The following DOK5 variants were observed in gnomAD, a reference collection of about 807,000 sequenced individuals.
DOK5 encodes downstream of tyrosine kinase 5.
DOK5 carries 27 observed loss-of-function variants against 43.3 expected under a neutral mutation model. The observed-to-expected ratio is 0.62, with a 90% CI of 0.46 to 0.86. The LOEUF (loss-of-function observed/expected upper bound fraction) is 0.86, where lower values mean the gene tolerates loss of function less well. Ranked by LOEUF, DOK5 falls within the 40% of genes least tolerant of loss-of-function variation. DOK5 has a pLI of 0.00. For synonymous variants in DOK5, 146 were observed against 140.1 expected (o/e 1.04, Z -0.30); for missense variants, 373 against 392.9 (o/e 0.95, Z 0.43).
intron 1 of DOK5, among the ~76,000 whole-genome samples, chr20:54,532,066 A>C (rs1983792640): frequency 6.6e-6 from 1 of 152,318 alleles, no homozygotes; most frequent in Admixed American, 6.5e-5. Context: ...TACAGTAATG[A>C]AGGCTATAGA....
chr20:54,624,093 T>C (rs1987068544), intron 6 of DOK5, among the ~76,000 whole-genome samples: 1 of 152,250 alleles, frequency 6.6e-6, no homozygotes, highest in African/African-American at 2.4e-5. Context: ...CCCTGTCTTC[T>C]GTGCAGCTCA....
At chr20:54,592,454 A>G (rs1986005982) in intron 5 of DOK5, among the ~76,000 whole-genome samples, 1 of 152,176 alleles carries the variant, frequency 6.6e-6, no homozygotes, top group Admixed American at 6.5e-5. Context: ...TGCTACCTAC[A>G]AAAAGATTCC....
chr20:54,599,016 A>G (rs1986228908), intron 5 of DOK5, among the ~76,000 whole-genome samples: 1 of 152,194 alleles, frequency 6.6e-6, no homozygotes, highest in Non-Finnish European at 1.5e-5. Context: ...AATATTTTCT[A>G]TTTATTTGAA....
At chr20:54,490,462 T>A (rs1331169345) in intron 1 of DOK5, among the ~76,000 whole-genome samples, 1 of 152,088 alleles carries the variant, frequency 6.6e-6, no homozygotes, top group Non-Finnish European at 1.5e-5. Flanking sequence ...TGTCTAGCCA[T>A]GTGGCAGGAG....
chr20:54,633,792 T>G, intron 6 of DOK5, among the ~76,000 whole-genome samples: 1 of 152,248 alleles, frequency 6.6e-6, no homozygotes, highest in East Asian at 1.9e-4. Flanking sequence ...GAGGTACTGA[T>G]CTTTTTGCCA....
intron 6 of DOK5, among the ~76,000 whole-genome samples, chr20:54,633,645 G>A (rs116193965): frequency 6.6e-6 from 1 of 152,156 alleles, no homozygotes; most frequent in Non-Finnish European, 1.5e-5. Context: ...TTAGGGCCCA[G>A]GTTGAATGAA....
intron 2 of DOK5, among the ~76,000 whole-genome samples, chr20:54,583,580 T>C (rs1184416463): frequency 6.6e-6 from 1 of 152,182 alleles, no homozygotes; most frequent in Non-Finnish European, 1.5e-5. Flanking sequence ...GGGATACATA[T>C]ATATTATAAT....
In DOK5 at chr20:54,583,861, C is replaced by T. The variant is rs1197684542; in HGVS notation, c.175-4622C>T. 2.0e-5 allele frequency among the ~76,000 whole-genome samples: 3 copies of T among 151,980 alleles called. No individual in the cohort carries two copies. In the South Asian group the frequency reaches 6.2e-4, roughly 32 times the overall value. On this transcript the variant is annotated intron_variant, in intron 2 of 7. Coordinates refer to ENST00000262593, the MANE Select transcript of DOK5 (RefSeq NM_018431.5). ...TTGATAGGGCAGTTTAAGCTATCTC[C>T]ATTTAAAGTAATTACTGCACCAGGC...
At chr20:54,501,415 C>A (rs1467675231) in intron 1 of DOK5, among the ~76,000 whole-genome samples, 1 of 135,780 alleles carries the variant, frequency 7.4e-6, no homozygotes, top group Non-Finnish European at 1.5e-5. Context: ...TGCAGTGAGC[C>A]GAGATTGCGG....
At chr20:54,648,179 A>C (rs1979527235) in intron 7 of DOK5, among the ~76,000 whole-genome samples, 1 of 152,188 alleles carries the variant, frequency 6.6e-6, no homozygotes, top group Admixed American at 6.5e-5. Flanking sequence ...TTTCTCTCTC[A>C]TTCTTCCATC....
At chr20:54,537,573 C>T (rs1267993014) in intron 1 of DOK5, among the ~76,000 whole-genome samples, 1 of 152,112 alleles carries the variant, frequency 6.6e-6, no homozygotes, top group African/African-American at 2.4e-5. Context: ...ATGGGCTCAA[C>T]ATCAGAATAG....
chr20:54,542,567 C>G (rs998557636), intron 1 of DOK5, among the ~76,000 whole-genome samples: 1 of 152,260 alleles, frequency 6.6e-6, no homozygotes, highest in East Asian at 1.9e-4. Context: ...GAAGGGTTCC[C>G]TGTGTGTGGC....
chr20:54,566,735 G>C (rs1985112438), intron 2 of DOK5, among the ~76,000 whole-genome samples: 1 of 152,172 alleles, frequency 6.6e-6, no homozygotes, highest in South Asian at 2.1e-4. Flanking sequence ...TCTCACTTCA[G>C]CCTACCAAGT....
At chr20:54,584,103 C>T (rs942134913) in intron 2 of DOK5, among the ~76,000 whole-genome samples, 6 of 151,972 alleles carry the variant, frequency 3.9e-5, no homozygotes, top group Non-Finnish European at 8.8e-5. Context: ...GAGATCACAC[C>T]ACTGTGCACA....
At chr20:54,637,060 A>C (rs77246983) in intron 6 of DOK5, among the ~76,000 whole-genome samples, 450 of 152,300 alleles carry the variant, frequency 3.0e-3, no homozygotes, top group Non-Finnish European at 5.1e-3. Flanking sequence ...GTTAATTTGT[A>C]TACAGTTTCA....
At chr20:54,561,401 A>G (rs1343006678) in intron 2 of DOK5, among the ~76,000 whole-genome samples, 1 of 152,208 alleles carries the variant, frequency 6.6e-6, no homozygotes. Flanking sequence ...CCTCAGGGGA[A>G]TAAGCACAGA....
At chr20:54,511,535 G>T (rs1000220137) in intron 1 of DOK5, among the ~76,000 whole-genome samples, 2 of 152,206 alleles carry the variant, frequency 1.3e-5, no homozygotes, top group African/African-American at 2.4e-5. Flanking sequence ...TTTAAAAGCC[G>T]TTGGCTTAAT....
Position 54,617,367 on chromosome 20 carries a change from G to A in DOK5, c.735+6844G>A, listed in dbSNP as rs147920053. ...TTTTTTGGAGACAGAGTCTTGCTCT[G>A]TTACCCAGGCTGAACTGCAGTGGTG... On this transcript the variant is annotated intron_variant, in intron 6 of 7. Transcript: ENST00000262593. Among the ~76,000 whole-genome samples the A allele has an allele frequency of 6.5e-4, 99 of 151,526 alleles. 1 individual carries two copies. The highest frequency in any genetic ancestry group is 3.1e-4 in the Non-Finnish European group (21 of 67,924).
intron 1 of DOK5, among the ~76,000 whole-genome samples, chr20:54,492,686 T>TTGTGTG (rs34741362): frequency 0.02 from 2,753 of 141,134 alleles, 55 homozygotes; most frequent in African/African-American, 0.06. Flanking sequence ...GAGTGTGGCT[T>TTGTGTG]TGTGTGTGTG....
Sources: gnomAD v4.1 joint callset for allele counts (sites outside exome capture counted in the v4.1 genomes callset) on GRCh38, gnomAD v4.1.1 for gene constraint, MANE v1.5 for transcripts, NCBI Gene and HGNC (gene_info 2026-07-23, HGNC 2026-07-21) for gene names.